Variants in EPHA3 observed in about 807,000 individuals in gnomAD.
EPHA3 encodes the protein ephrin type-A receptor 3.
A neutral mutation model predicts 107.1 loss-of-function variants in EPHA3; 42 were observed. The observed-to-expected ratio is 0.39, with a 90% CI of 0.31 to 0.51. EPHA3 has a LOEUF of 0.51. Among genes scored for constraint, EPHA3 ranks in the 20% least tolerant of loss-of-function variants. The pLI is 0.78. For synonymous variants in EPHA3, 461 were observed against 424.8 expected (o/e 1.09, Z -1.05); for missense variants, 1,183 against 1,211.2 (o/e 0.98, Z 0.35).
intron 3 of EPHA3, among the ~76,000 whole-genome samples, chr3:89,303,179 A>G (rs1210579158): frequency 6.6e-6 from 1 of 152,128 alleles, no homozygotes; most frequent in Non-Finnish European, 1.5e-5. Flanking sequence ...TACAGACTTG[A>G]GCTACTGCAC....
chr3:89,350,150 G>A (rs1002657544), intron 5 of EPHA3, among the ~76,000 whole-genome samples: 1 of 150,406 alleles, frequency 6.6e-6, no homozygotes, highest in African/African-American at 2.4e-5. Context: ...TTTCCTGAAT[G>A]TGAACGTTGG....
chr3:89,361,735 AT>A (rs1708095464), intron 5 of EPHA3, among the ~76,000 whole-genome samples: 1 of 150,966 alleles, frequency 6.6e-6, no homozygotes, highest in South Asian at 2.1e-4. Context: ...CTCTATGCCC[AT>A]TCTCTGCTAT....
At chr3:89,230,645 G>A (rs905273058) in intron 3 of EPHA3, among the ~76,000 whole-genome samples, 3 of 151,816 alleles carry the variant, frequency 2.0e-5, no homozygotes, top group African/African-American at 4.8e-5. Flanking sequence ...TTTGTGTTTC[G>A]GGCAGTATCA....
chr3:89,411,080 A>C (rs755767781), intron 9 of EPHA3, among the ~76,000 whole-genome samples: 23 of 151,874 alleles, frequency 1.5e-4, no homozygotes, highest in African/African-American at 5.6e-4. Flanking sequence ...AACAATAAAA[A>C]CGCTCATTAG....
chr3:89,449,035 A>G (rs1311822874), intron 13 of EPHA3, among the ~76,000 whole-genome samples, 190 bp from the exon 14 acceptor site: 1 of 151,602 alleles, frequency 6.6e-6, no homozygotes, highest in Non-Finnish European at 1.5e-5. Flanking sequence ...TGGAAGTAAA[A>G]TTTGCTGTAA....
intron 3 of EPHA3, among the ~76,000 whole-genome samples, chr3:89,269,111 GA>G (rs1705603039): frequency 6.6e-6 from 1 of 152,056 alleles, no homozygotes; most frequent in African/African-American, 2.4e-5. Flanking sequence ...TGACCAATAA[GA>G]TCTTTTAAGC....
At chr3:89,215,709 G>A (rs779126293) in intron 3 of EPHA3, among the ~76,000 whole-genome samples, 33 of 151,742 alleles carry the variant, frequency 2.2e-4, no homozygotes, top group Non-Finnish European at 4.4e-4. Context: ...ACATTCTTAC[G>A]CAGGATTACA....
chr3:89,432,740 A>G (rs1345897669), intron 13 of EPHA3, among the ~76,000 whole-genome samples: 1 of 152,140 alleles, frequency 6.6e-6, no homozygotes, highest in African/African-American at 2.4e-5. Flanking sequence ...TCACAAATAA[A>G]TAACTCCTCT....
chr3:89,328,893 G>A (rs1484965339), intron 3 of EPHA3, among the ~76,000 whole-genome samples: 1 of 152,168 alleles, frequency 6.6e-6, no homozygotes, highest in Middle Eastern at 3.4e-3. Context: ...CAGGTACATC[G>A]TTCTGGAAAA....
rs1317128180 is a variant in EPHA3, at chr3:89,480,448, T to C, written c.*946T>C. 1 of 233,268 alleles carries C rather than the reference T, an allele frequency of 4.3e-6. No individual in the cohort carries two copies. Among genetic ancestry groups the C allele is most frequent in the Non-Finnish European group, 8.5e-6 (1 of 117,884 alleles). The allele number at this position is 233,268 out of a possible 1,614,324, so 14.4% of individuals were successfully genotyped here. A position where few individuals can be genotyped will look rare whatever the true frequency, so the allele number is the denominator to read the frequency against. ...ATATACCAGCTTGTATGCAATGGATTTTCAACCAGATAACATACCTTTCCT... is the reference window on the plus strand; with the variant it reads ...ATATACCAGCTTGTATGCAATGGATCTTCAACCAGATAACATACCTTTCCT... On this transcript the variant is annotated 3_prime_UTR_variant, in exon 17 of 17. Transcript: ENST00000336596.
intron 3 of EPHA3, among the ~76,000 whole-genome samples, chr3:89,263,405 A>C (rs1705467703): frequency 6.6e-6 from 1 of 152,130 alleles, no homozygotes. Context: ...TTGTATCCAC[A>C]CTTGTGGCTC....
chr3:89,133,225 C>A (rs1287340323), intron 2 of EPHA3, among the ~76,000 whole-genome samples: 1 of 152,144 alleles, frequency 6.6e-6, no homozygotes, highest in Non-Finnish European at 1.5e-5. Context: ...TCTCAGCAGG[C>A]ACCTCTTCTA....
At chr3:89,224,287 T>A (rs1233148553) in intron 3 of EPHA3, among the ~76,000 whole-genome samples, 2 of 152,320 alleles carry the variant, frequency 1.3e-5, no homozygotes, top group Non-Finnish European at 2.9e-5. Context: ...GGCTGAGTGA[T>A]CATGCGGTTG....
chr3:89,407,841 A>G (rs1051188798), intron 8 of EPHA3, among the ~76,000 whole-genome samples: 11 of 152,162 alleles, frequency 7.2e-5, no homozygotes, highest in African/African-American at 2.7e-4. Flanking sequence ...GGGTCTGCAC[A>G]GTGGGAAGCA....
At chr3:89,294,895 AT>A (rs1217248810) in intron 3 of EPHA3, among the ~76,000 whole-genome samples, 1 of 152,082 alleles carries the variant, frequency 6.6e-6, no homozygotes, top group Admixed American at 6.6e-5. Flanking sequence ...TATCTTTTGC[AT>A]GCTTCATATT....
chr3:89,374,246 T>C (rs1261266559), intron 5 of EPHA3, among the ~76,000 whole-genome samples: 1 of 151,912 alleles, frequency 6.6e-6, no homozygotes, highest in Non-Finnish European at 1.5e-5. Flanking sequence ...TGAGGCATTT[T>C]TAAGAGGAAT....
At chr3:89,162,293 A>T (rs1420784842) in intron 2 of EPHA3, among the ~76,000 whole-genome samples, 1 of 152,186 alleles carries the variant, frequency 6.6e-6, no homozygotes, top group Non-Finnish European at 1.5e-5. Context: ...ATACAGGAAC[A>T]TGCCATACTC....
intron 2 of EPHA3, among the ~76,000 whole-genome samples, chr3:89,133,544 C>A (rs755653380): frequency 2.0e-5 from 3 of 152,138 alleles, no homozygotes; most frequent in Admixed American, 2.0e-4. Context: ...GATTTCCCTG[C>A]AAAAGGTTCT....
chr3:89,208,364 C>A, intron 2 of EPHA3, among the ~76,000 whole-genome samples: 1 of 70,284 alleles, frequency 1.4e-5, no homozygotes, highest in Non-Finnish European at 3.0e-5. Flanking sequence ...GAGCAAGACT[C>A]TGTGAAAAAA....
Sources: allele counts gnomAD v4.1 joint callset (sites outside exome capture counted in the v4.1 genomes callset), GRCh38; gene constraint gnomAD v4.1.1; transcripts MANE v1.5; gene names NCBI Gene and HGNC (gene_info 2026-07-23, HGNC 2026-07-21).